The following LINGO2 variants were observed in gnomAD, a reference collection of about 807,000 sequenced individuals.
LINGO2 encodes leucine rich repeat and Ig domain containing 2, also known as leucine-rich repeat and immunoglobulin-like domain-containing nogo receptor-interacting protein 2.
LINGO2 carries 14 observed loss-of-function variants against 30.6 expected under a neutral mutation model. The ratio of observed to expected loss-of-function variants is 0.46; its 90% CI spans 0.30 to 0.72. The LOEUF (loss-of-function observed/expected upper bound fraction) is 0.72, where lower values mean the gene tolerates loss of function less well. Ranked by LOEUF, LINGO2 falls within the 30% of genes least tolerant of loss-of-function variation. The pLI, the probability that LINGO2 is intolerant of heterozygous loss-of-function variation, is 0.07. For synonymous variants in LINGO2, 317 were observed against 288.5 expected, an observed-to-expected ratio of 1.10 and a Z score of -1.00; for missense variants, 729 against 751.7, an observed-to-expected ratio of 0.97 and a Z score of 0.35.
rs1554710539 is a variant in LINGO2, at chr9:28,357,327, C to CA, written c.-246+15508dup. 2.0e-3 allele frequency among the ~76,000 whole-genome samples: 277 copies of CA among 139,702 alleles called. 3 individuals are homozygous for CA. The highest frequency in any genetic ancestry group is 4.0e-3 in the East Asian group (17 of 4,286). The allele number at this position is 139,702 out of a possible 152,430, so 91.6% of individuals were successfully genotyped here. The stretch of plus-strand genomic sequence containing the variant: ...ATACAGAAATAAAGCCCACCCCCCC[C>CA]AAAAAAGAAAGCACCAATACTTCTT... On this transcript the variant is annotated intron_variant, in intron 3 of 5. Coordinates refer to ENST00000379992, the Ensembl canonical transcript of LINGO2.
At chr9:28,048,182 T>C (rs1824511275) in intron 4 of LINGO2, among the ~76,000 whole-genome samples, 1 of 150,776 alleles carries the variant, frequency 6.6e-6, no homozygotes, top group African/African-American at 2.5e-5. Context: ...GATTAAAATA[T>C]AACAATTTAG....
intron 1 of LINGO2, among the ~76,000 whole-genome samples, chr9:28,578,428 G>A (rs747137308): frequency 4.7e-4 from 71 of 152,036 alleles, no homozygotes; most frequent in Admixed American, 1.7e-3. Flanking sequence ...CAGACTATGC[G>A]CATTGTGCAA....
intron 5 of LINGO2, among the ~76,000 whole-genome samples, chr9:27,999,529 T>C (rs1228289436): frequency 6.6e-6 from 1 of 151,798 alleles, no homozygotes; most frequent in Non-Finnish European, 1.5e-5. Flanking sequence ...TGATAGACCT[T>C]ATATATAAAG....
the LINGO2 span, among the ~76,000 whole-genome samples, chr9:28,735,840 T>A: frequency 6.6e-6 from 1 of 152,224 alleles, no homozygotes; most frequent in African/African-American, 2.4e-5. Flanking sequence ...AGGAGAAATA[T>A]AATCAAGTAC....
Position 28,351,411 on chromosome 9 carries a change from A to G in LINGO2, c.-246+21425T>C, listed in dbSNP as rs561902258. Among the ~76,000 whole-genome samples, 233 of 151,326 alleles carry G rather than the reference A, an allele frequency of 1.5e-3. 1 individual carries two copies. Among genetic ancestry groups the G allele is most frequent in the Non-Finnish European group, 2.3e-3 (157 of 67,816 alleles). ...ACTAGAAAATCTAGAAGAAATGGAT[A>G]AATTCCTCGACACATACGCTCTCCC... is the stretch of plus-strand genomic sequence containing the variant. On this transcript the variant is annotated intron_variant, in intron 3 of 5. Transcript: ENST00000379992.
intron 4 of LINGO2, among the ~76,000 whole-genome samples, chr9:28,089,926 C>T (rs990171541): frequency 1.5e-4 from 23 of 152,236 alleles, no homozygotes; most frequent in Non-Finnish European, 3.1e-4. Flanking sequence ...TCAGAGAATA[C>T]TATAAACACC....
At chr9:28,249,130 C>T (rs7031955) in intron 4 of LINGO2, among the ~76,000 whole-genome samples, 32,886 of 151,532 alleles carry the variant, frequency 0.22, 3,781 homozygotes, top group East Asian at 0.27. Context: ...AAATAAGAAG[C>T]GAAGTATTAT....
At chr9:28,956,142 T>G in the LINGO2 span, among the ~76,000 whole-genome samples, 1 of 152,178 alleles carries the variant, frequency 6.6e-6, no homozygotes, top group East Asian at 1.9e-4. Context: ...GTCAATAAGA[T>G]TAGGTTTCAT....
intron 2 of LINGO2, among the ~76,000 whole-genome samples, chr9:28,383,577 G>A (rs755993304): frequency 3.5e-4 from 53 of 152,114 alleles, no homozygotes; most frequent in Non-Finnish European, 7.1e-4. Context: ...CACAGTGCAC[G>A]AAGCCATAAA....
At chr9:28,995,513 T>C in the LINGO2 span, among the ~76,000 whole-genome samples, 1 of 152,126 alleles carries the variant, frequency 6.6e-6, no homozygotes, top group East Asian at 1.9e-4. Context: ...AGCCATCCCA[T>C]TACTGGGTAT....
intron 4 of LINGO2, among the ~76,000 whole-genome samples, chr9:28,210,616 G>GT (rs1564046562): frequency 6.6e-6 from 1 of 151,530 alleles, no homozygotes; most frequent in Non-Finnish European, 1.5e-5. Flanking sequence ...TGTACTTAAT[G>GT]TGACAGAATT....
the LINGO2 span, among the ~76,000 whole-genome samples, chr9:28,812,822 C>T: frequency 6.5e-3 from 996 of 152,166 alleles, 15 homozygotes; most frequent in African/African-American, 0.023. Flanking sequence ...AGGCAAAAAG[C>T]AATCCTAAGT....
chr9:28,009,105 TTTG>T (rs1822417251), intron 5 of LINGO2, among the ~76,000 whole-genome samples: 1 of 150,414 alleles, frequency 6.6e-6, no homozygotes, highest in African/African-American at 2.4e-5. Flanking sequence ...TAGAAATAAA[TTTG>T]TTGTTTTTTT....
the LINGO2 span, among the ~76,000 whole-genome samples, chr9:28,680,813 G>T: frequency 6.6e-6 from 1 of 151,966 alleles, no homozygotes. Context: ...TTTTAAATCA[G>T]GTTATTTGTT....
chr9:28,999,560 T>C, the LINGO2 span, among the ~76,000 whole-genome samples: 6 of 152,080 alleles, frequency 3.9e-5, no homozygotes, highest in African/African-American at 9.7e-5. Context: ...CTTCATATTA[T>C]ATGAAGTGAG....
the LINGO2 span, among the ~76,000 whole-genome samples, chr9:28,698,094 T>G: frequency 6.6e-6 from 1 of 152,054 alleles, no homozygotes; most frequent in African/African-American, 2.4e-5. Flanking sequence ...ATATTGGCAA[T>G]CCCAAGAAGA....
In LINGO2 at chr9:28,003,580, G is replaced by C. The variant is rs565640428; in HGVS notation, c.-36+8775C>G. Among the ~76,000 whole-genome samples, 6 of 152,194 alleles carry C rather than the reference G, an allele frequency of 3.9e-5. No homozygotes were observed. In the East Asian group the frequency reaches 7.7e-4, roughly 20 times the overall value. On this transcript the variant is annotated intron_variant, in intron 5 of 5. Coordinates refer to ENST00000379992, the Ensembl canonical transcript of LINGO2. ...TTCATGCCATTCTTCTCCTGCCTCA[G>C]CCTCCTGAGTAGCTGGGACTACAGG... is the stretch of plus-strand genomic sequence containing the variant.
chr9:28,829,609 C>G, the LINGO2 span, among the ~76,000 whole-genome samples: 1 of 152,084 alleles, frequency 6.6e-6, no homozygotes, highest in Non-Finnish European at 1.5e-5. Context: ...TAAAATTGGC[C>G]AGGCGCAGTG....
intron 2 of LINGO2, 138 bp from the exon 5 acceptor site, chr9:28,373,006 C>A (rs1401386530): frequency 2.3e-5 from 1 of 43,588 alleles, no homozygotes; most frequent in Non-Finnish European, 5.6e-5. Flanking sequence ...AAGCATTTAA[C>A]TACAGAGAGA....
Sources: allele counts gnomAD v4.1 joint callset (sites outside exome capture counted in the v4.1 genomes callset), GRCh38; gene constraint gnomAD v4.1.1; transcripts MANE v1.5; gene names NCBI Gene and HGNC (gene_info 2026-07-23, HGNC 2026-07-21).